Variants in TMX2 observed in about 807,000 individuals in gnomAD.
TMX2 encodes thioredoxin related transmembrane protein 2, also known as thioredoxin-related transmembrane protein 2.
A neutral mutation model predicts 33.4 loss-of-function variants in TMX2; 20 were observed. The ratio of observed to expected loss-of-function variants is 0.60; its 90% CI spans 0.42 to 0.87. TMX2 has a LOEUF of 0.87. Among genes scored for constraint, TMX2 ranks in the 40% least tolerant of loss-of-function variants. The pLI, the probability that TMX2 is intolerant of heterozygous loss-of-function variation, is 0.00. For synonymous variants in TMX2, 166 were observed against 140.7 expected (o/e 1.18, Z -1.27); for missense variants, 340 against 370.7 (o/e 0.92, Z 0.68).
intron 1 of TMX2, among the ~76,000 whole-genome samples, chr11:57,731,173 G>A (rs1948380192): frequency 1.7e-5 from 2 of 116,326 alleles, no homozygotes; most frequent in African/African-American, 6.6e-5. Flanking sequence ...TTTCACTCTC[G>A]CTCAGGCTGG....
intron 1 of TMX2, among the ~76,000 whole-genome samples, chr11:57,735,500 A>G (rs768287801): frequency 1.6e-4 from 25 of 152,098 alleles, no homozygotes; most frequent in Non-Finnish European, 3.5e-4. Context: ...CTTGAGCCAC[A>G]GCACCCGGCC....
intron 1 of TMX2, among the ~76,000 whole-genome samples, chr11:57,723,400 T>C (rs1947763529): frequency 6.6e-6 from 1 of 151,516 alleles, no homozygotes; most frequent in Non-Finnish European, 1.5e-5. Context: ...GGAGAATTGC[T>C]TGAACCCGGG....
chr11:57,714,310 C>G (rs1191617146), intron 1 of TMX2, among the ~76,000 whole-genome samples: 1 of 152,270 alleles, frequency 6.6e-6, no homozygotes, highest in South Asian at 2.1e-4. Flanking sequence ...GATGAGTTCT[C>G]AAAGCTAGGC....
chr11:57,714,609 T>C (rs2135443793), intron 1 of TMX2, among the ~76,000 whole-genome samples: 1 of 152,246 alleles, frequency 6.6e-6, no homozygotes, highest in South Asian at 2.1e-4. Flanking sequence ...TGGATTTTTT[T>C]TTGAGACAAG....
chr11:57,736,025 G>A (rs1948731150), intron 1 of TMX2, among the ~76,000 whole-genome samples: 2 of 152,164 alleles, frequency 1.3e-5, no homozygotes, highest in Admixed American at 6.5e-5. Context: ...GTTTAAGAAA[G>A]CCTAATGTTG....
rs1948937277 is a variant in TMX2, at chr11:57,739,246, T to C, written c.730T>C (p.Trp244Arg). ...QIDKKGRAVS[W>R]TFSEENVIRE... ...TGACAAGAAAGGACGGGCTGTCTCA[T>C]GGACCTTCTCTGAGGTACCTGAAAG... Residue 244 changes from tryptophan to arginine, a missense_variant, in exon 7 of 8, where the codon TGG becomes CGG. Around this residue, in one of 3 missense-constraint regions of TMX2, gnomAD observed 209 missense variants for 241.6 expected, o/e 0.87. Coordinates refer to ENST00000278422, the MANE Select transcript of TMX2 (RefSeq NM_015959.4). The C allele has an allele frequency of 6.2e-7, 1 of 1,614,118 alleles. No homozygotes were observed. Among genetic ancestry groups the C allele is most frequent in the Non-Finnish European group, 8.5e-7 (1 of 1,180,024 alleles).
intron 1 of TMX2, among the ~76,000 whole-genome samples, chr11:57,719,713 C>T (rs981224866): frequency 6.6e-6 from 1 of 151,412 alleles, no homozygotes; most frequent in African/African-American, 2.4e-5. Flanking sequence ...GATGGGGTTT[C>T]GCCATGTTGC....
chr11:57,726,455 C>G (rs1228376430), intron 1 of TMX2, among the ~76,000 whole-genome samples: 5 of 151,434 alleles, frequency 3.3e-5, no homozygotes, highest in Admixed American at 2.6e-4. Flanking sequence ...AGTCTTGTAA[C>G]TTTGTTTTTT....
In TMX2 at chr11:57,737,971, T is replaced by C; in HGVS notation, c.309T>C (p.Ile103=). ...IFMFSKVANT[I]LFFRLDIRMG... ...TGTTTAGTAAAGTGGCCAACACAAT[T>C]CTTTTCTTCCGCTTGGATATTCGCA... Residue 103 remains isoleucine, a synonymous_variant, in exon 3 of 8, where the codon ATT becomes ATC. Transcript: ENST00000278422. 1 of 1,614,176 alleles carries C rather than the reference T, an allele frequency of 6.2e-7. No individual in the cohort carries two copies. The highest frequency in any genetic ancestry group is 8.5e-7 in the Non-Finnish European group (1 of 1,180,008).
chr11:57,739,234 C>A lies in TMX2; in HGVS notation c.718C>A (p.Arg240=). The A allele has an allele frequency of 1.2e-6, 2 of 1,614,046 alleles. No homozygotes were observed. The highest frequency in any genetic ancestry group is 1.7e-6 in the Non-Finnish European group (2 of 1,179,998). ...MRRPQIDKKG[R]AVSWTFSEEN... is the part of the protein sequence containing the mutation. The stretch of plus-strand genomic sequence containing the variant: ...GCGGCCACAGATTGACAAGAAAGGA[C>A]GGGCTGTCTCATGGACCTTCTCTGA... The change falls in exon 7 of 8, where the codon CGG becomes AGG. Residue 240 remains arginine (R), a synonymous_variant. Transcript: ENST00000278422.
intron 7 of TMX2, among the ~76,000 whole-genome samples, chr11:57,739,871 T>A (rs1367419181): frequency 6.6e-6 from 1 of 152,220 alleles, no homozygotes; most frequent in Admixed American, 6.5e-5. Flanking sequence ...TTTTGCAGAT[T>A]ACATTAAATA....
At chr11:57,712,852 G>T in intron 1 of TMX2, 45 bp downstream of exon 1, 2 of 1,608,366 alleles carry the variant, frequency 1.2e-6, no homozygotes, top group Non-Finnish European at 8.5e-7. Flanking sequence ...GACTGTCCCT[G>T]CCCTTGCAGG....
intron 2 of TMX2, 89 bp from the exon 3 acceptor site, chr11:57,737,821 TCTC>T: frequency 2.5e-6 from 4 of 1,612,454 alleles, no homozygotes; most frequent in Non-Finnish European, 3.4e-6. Flanking sequence ...CCCCTCCCTG[TCTC>T]CTATTTCAAA....
chr11:57,718,482 C>G, intron 1 of TMX2: 1 of 913,532 alleles, frequency 1.1e-6, no homozygotes, highest in Admixed American at 1.7e-5. Context: ...GAGATGCGGC[C>G]CAGGGGCTCA....
chr11:57,719,730 T>G (rs1947457705), intron 1 of TMX2, among the ~76,000 whole-genome samples: 1 of 151,580 alleles, frequency 6.6e-6, no homozygotes, highest in South Asian at 2.1e-4. Context: ...TTGCACAGGC[T>G]GATCTTGAAC....
chr11:57,716,238 G>A (rs77838517), intron 1 of TMX2, among the ~76,000 whole-genome samples: 3 of 150,508 alleles, frequency 2.0e-5, no homozygotes, highest in South Asian at 2.1e-4. Flanking sequence ...CCTCCTGGAC[G>A]GGGCGGATGG....
Position 57,733,238 on chromosome 11 carries a change from C to A in TMX2, c.190-4370C>A, listed in dbSNP as rs552215255. On this transcript the variant is annotated intron_variant, in intron 1 of 7. Coordinates refer to ENST00000278422, the MANE Select transcript of TMX2 (RefSeq NM_015959.4). ...TTTTTTTAAGTCCTCGTGTAAGACA[C>A]AGTGAGGAATTTTTTTTTTTTTTTT... 4.1e-3 allele frequency among the ~76,000 whole-genome samples: 578 copies of A among 140,028 alleles called. 7 individuals are homozygous for A. Among genetic ancestry groups the A allele is most frequent in the Middle Eastern group, 0.026 (7 of 268 alleles). 91.9% of individuals were successfully genotyped at this position (140,028 alleles called of 152,430 possible). A position where few individuals can be genotyped will look rare whatever the true frequency, so the allele number is the denominator to read the frequency against.
chr11:57,718,395 CA>C, intron 1 of TMX2: 1 of 1,432,154 alleles, frequency 7.0e-7, no homozygotes, highest in African/African-American at 1.4e-5. Context: ...CTCTTACAAC[CA>C]AATCCTTTTT....
chr11:57,730,426 T>TA (rs61228178), intron 1 of TMX2, among the ~76,000 whole-genome samples: 26 of 23,598 alleles, frequency 1.1e-3, no homozygotes, highest in Admixed American at 3.6e-3. Flanking sequence ...AAACTGTCTT[T>TA]AAAAAAAAAA....
Sources: allele counts gnomAD v4.1 joint callset (sites outside exome capture counted in the v4.1 genomes callset), GRCh38; gene constraint gnomAD v4.1.1; regional missense constraint gnomAD v4.1.1; transcripts MANE v1.5; gene names NCBI Gene and HGNC (gene_info 2026-07-23, HGNC 2026-07-21).